Variants in IL1RL1 observed in about 807,000 individuals in gnomAD.
IL1RL1 encodes interleukin-1 receptor-like 1.
IL1RL1 carries 32 observed loss-of-function variants against 50.9 expected under a neutral mutation model. The ratio of observed to expected loss-of-function variants is 0.63; its 90% CI spans 0.47 to 0.84. The LOEUF (loss-of-function observed/expected upper bound fraction) is 0.84, where lower values mean the gene tolerates loss of function less well. Among genes scored for constraint, IL1RL1 ranks in the 40% least tolerant of loss-of-function variants. IL1RL1 has a pLI of 0.00. For synonymous variants in IL1RL1, 275 were observed against 236.0 expected, an observed-to-expected ratio of 1.17 and a Z score of -1.51; for missense variants, 773 against 662.9, an observed-to-expected ratio of 1.17 and a Z score of -1.82.
chr2:102,324,309 C>T (rs547130022), intron 1 of IL1RL1, among the ~76,000 whole-genome samples: 1 of 152,294 alleles, frequency 6.6e-6, no homozygotes, highest in South Asian at 2.1e-4. Flanking sequence ...TGTGCCACAT[C>T]CTTGCCAAAA....
At chr2:102,320,487 T>C (rs146832255) in intron 1 of IL1RL1, among the ~76,000 whole-genome samples, 36 of 152,324 alleles carry the variant, frequency 2.4e-4, no homozygotes, top group African/African-American at 8.4e-4. Context: ...AATTTGTATC[T>C]CTAGCCCAAT....
chr2:102,326,907 A>G (rs1365839403), intron 1 of IL1RL1, among the ~76,000 whole-genome samples: 1 of 152,178 alleles, frequency 6.6e-6, no homozygotes, highest in East Asian at 1.9e-4. Context: ...TAATAATGGG[A>G]GACTTTAACA....
At chr2:102,312,036 T>A (rs1402413402) in intron 1 of IL1RL1, among the ~76,000 whole-genome samples, 1 of 38,188 alleles carries the variant, frequency 2.6e-5, no homozygotes, top group Non-Finnish European at 4.9e-5. Flanking sequence ...TATTATATAT[T>A]AAATATTATA....
At chr2:102,342,868 G>A (rs561820960) in intron 6 of IL1RL1, among the ~76,000 whole-genome samples, 168 bp from the exon 7 acceptor site, 50 of 152,262 alleles carry the variant, frequency 3.3e-4, no homozygotes, top group African/African-American at 1.2e-3. Context: ...TGGAAGCAGG[G>A]AGGAGGCAAG....
intron 8 of IL1RL1, chr2:102,343,677 G>T: frequency 7.3e-7 from 1 of 1,373,300 alleles, no homozygotes; most frequent in South Asian, 1.7e-5. Flanking sequence ...CTGCTTCTTT[G>T]GTCATCCTTG....
At chr2:102,348,908 AT>A (rs2105000006) in intron 9 of IL1RL1, among the ~76,000 whole-genome samples, 170 bp from the exon 10 acceptor site, 1 of 152,298 alleles carries the variant, frequency 6.6e-6, no homozygotes, top group South Asian at 2.1e-4. Flanking sequence ...TTATTTCCTG[AT>A]AGTGTTTTGT....
rs764286515 is a variant in IL1RL1 at position 102,340,324 on chromosome 2, C to G, written c.447+52C>G. On this transcript the variant is annotated intron_variant, in intron 4 of 10. Transcript: ENST00000233954. ...ATGAAAATTACACAATTAAAATAGACACAAGTGGCCGGGCACAGTGGCTCA... is the reference window on the plus strand; with the variant it reads ...ATGAAAATTACACAATTAAAATAGAGACAAGTGGCCGGGCACAGTGGCTCA... 2.7e-6 allele frequency: 4 copies of G among 1,461,432 alleles called. No individual in the cohort carries two copies. In the South Asian group the frequency reaches 5.0e-5, roughly 18 times the overall value. The allele number at this position is 1,461,432 out of a possible 1,614,324, so 90.5% of individuals were successfully genotyped here. A position where few individuals can be genotyped will look rare whatever the true frequency, so the allele number is the denominator to read the frequency against.
At chr2:102,332,912 C>T (rs1207610787) in intron 1 of IL1RL1, among the ~76,000 whole-genome samples, 1 of 152,038 alleles carries the variant, frequency 6.6e-6, no homozygotes, top group Non-Finnish European at 1.5e-5. Context: ...TGAGTGCTCA[C>T]TTGGAGGAGG....
chr2:102,336,355 T>C (rs1225454070), intron 1 of IL1RL1, among the ~76,000 whole-genome samples: 2 of 152,184 alleles, frequency 1.3e-5, no homozygotes, highest in African/African-American at 4.8e-5. Context: ...AGTGTGAGAA[T>C]GAAGGAATTA....
intron 1 of IL1RL1, chr2:102,337,220 G>A (rs1384515524): frequency 6.6e-6 from 1 of 152,282 alleles, no homozygotes; most frequent in African/African-American, 2.4e-5. Flanking sequence ...TGGGAGGAGT[G>A]TCTCCCCTTT....
chr2:102,343,117 G>A lies in IL1RL1; in HGVS notation c.764G>A (p.Gly255Glu), dbSNP rs928279716. The change falls in exon 7 of 11, where the codon GGA becomes GAA. Residue 255 changes from glycine (G) to glutamate (E), a missense_variant. Coordinates refer to ENST00000233954, the MANE Select transcript of IL1RL1 (RefSeq NM_016232.5). The stretch of plus-strand genomic sequence containing the variant: ...GCTGCCGTCCTGTGGCAGCTTAATG[G>A]AACAAAAATTACAGACTTTGGTGAA... ...FLAAVLWQLNGTKITDFGEPR... is the reference protein window; with the variant it reads ...FLAAVLWQLNETKITDFGEPR... 1 of 1,614,072 alleles carries A rather than the reference G, an allele frequency of 6.2e-7. No individual in the cohort carries two copies. Among genetic ancestry groups the A allele is most frequent in the South Asian group, 1.1e-5 (1 of 91,062 alleles).
chr2:102,336,068 C>T (rs527406540), intron 1 of IL1RL1, among the ~76,000 whole-genome samples: 2 of 152,302 alleles, frequency 1.3e-5, no homozygotes, highest in South Asian at 2.1e-4. Context: ...ATAAGAGATT[C>T]AAGAGTAGTC....
Position 102,338,177 on chromosome 2 carries a change from T to C in IL1RL1, c.-88T>C. The C allele has an allele frequency of 1.3e-6, 1 of 774,818 alleles. No individual in the cohort carries two copies. Among genetic ancestry groups the C allele is most frequent in the Middle Eastern group, 2.4e-4 (1 of 4,238 alleles). The allele number at this position is 774,818 out of a possible 1,614,324, so 48.0% of individuals were successfully genotyped here. The stretch of plus-strand genomic sequence containing the variant: ...AGAGTATCACCAACTGCCTCATGTG[T>C]GGTGACCTTCACTGTCGTATGCCAG... On this transcript the variant is annotated 5_prime_UTR_variant, in exon 2 of 11. Coordinates refer to ENST00000233954, the MANE Select transcript of IL1RL1 (RefSeq NM_016232.5).
chr2:102,333,494 G>T (rs2104977338), intron 1 of IL1RL1, among the ~76,000 whole-genome samples: 1 of 152,338 alleles, frequency 6.6e-6, no homozygotes, highest in East Asian at 1.9e-4. Flanking sequence ...TGGGGCAAGG[G>T]AGGCAAGGAG....
At chr2:102,346,767 C>CTGCT (rs1471189808) in intron 8 of IL1RL1, among the ~76,000 whole-genome samples, 4 of 152,146 alleles carry the variant, frequency 2.6e-5, no homozygotes, top group African/African-American at 9.7e-5. Flanking sequence ...TGATTCCATA[C>CTGCT]TGCTGGTCAT....
At chr2:102,343,991 G>T (rs946808681) in intron 8 of IL1RL1, 106 of 735,682 alleles carry the variant, frequency 1.4e-4, no homozygotes, top group Admixed American at 6.5e-4. Flanking sequence ...CTGAGACTGG[G>T]TGATTTATAT....
intron 1 of IL1RL1, among the ~76,000 whole-genome samples, chr2:102,328,811 G>T (rs1165658671): frequency 6.6e-6 from 1 of 152,096 alleles, no homozygotes; most frequent in East Asian, 1.9e-4. Context: ...AAGGAGAACT[G>T]CAAACCACTG....
At chr2:102,322,733 A>G (rs1166536926) in intron 1 of IL1RL1, among the ~76,000 whole-genome samples, 1 of 152,238 alleles carries the variant, frequency 6.6e-6, no homozygotes, top group East Asian at 1.9e-4. Flanking sequence ...TCCCCCATGT[A>G]TCATCATCCA....
At chr2:102,317,779 C>G (rs1325547494) in intron 1 of IL1RL1, among the ~76,000 whole-genome samples, 1 of 151,892 alleles carries the variant, frequency 6.6e-6, no homozygotes, top group Non-Finnish European at 1.5e-5. Context: ...AAAAATCAAG[C>G]AGAGTTAGGA....
Sources: gnomAD v4.1 joint callset for allele counts (sites outside exome capture counted in the v4.1 genomes callset) on GRCh38, gnomAD v4.1.1 for gene constraint, MANE v1.5 for transcripts, NCBI Gene and HGNC (gene_info 2026-07-23, HGNC 2026-07-21) for gene names.